The following DLGAP2 variants were observed in gnomAD, a reference collection of about 807,000 sequenced individuals.
The protein encoded by DLGAP2 is disks large-associated protein 2.
DLGAP2 carries 26 observed loss-of-function variants against 100.3 expected under a neutral mutation model. That is an observed-to-expected ratio of 0.26 (90% CI 0.19 to 0.36). The LOEUF (loss-of-function observed/expected upper bound fraction) is 0.36. Ranked by LOEUF, DLGAP2 falls within the 10% of genes least tolerant of loss-of-function variation. DLGAP2 has a pLI of 1.00. For synonymous variants in DLGAP2, 886 were observed against 630.1 expected, an observed-to-expected ratio of 1.41 and a Z score of -6.08; for missense variants, 1,858 against 1,453.2, an observed-to-expected ratio of 1.28 and a Z score of -4.53.
chr8:967,816 CTATATATATATATATA>C (rs1175736398), intron 2 of DLGAP2, among the ~76,000 whole-genome samples: 1 of 2,582 alleles, frequency 3.9e-4, no homozygotes, highest in African/African-American at 5.4e-4. Context: ...TTGAACACCA[CTATATATATATATATA>C]TATATATATA....
intron 4 of DLGAP2, among the ~76,000 whole-genome samples, chr8:1,528,817 G>A (rs1329206663): frequency 1.3e-5 from 2 of 152,210 alleles, no homozygotes; most frequent in Non-Finnish European, 2.9e-5. Flanking sequence ...AGGAAGGACT[G>A]GGAGCTCCCC....
intron 3 of DLGAP2, among the ~76,000 whole-genome samples, chr8:1,277,870 ATG>A (rs1345198806): frequency 6.6e-6 from 1 of 152,200 alleles, no homozygotes; most frequent in African/African-American, 2.4e-5. Context: ...AGTTAGGCAG[ATG>A]TGTCATGTCC....
chr8:1,083,803 A>T (rs1423684251), intron 2 of DLGAP2, among the ~76,000 whole-genome samples: 1 of 152,194 alleles, frequency 6.6e-6, no homozygotes, highest in Non-Finnish European at 1.5e-5. Flanking sequence ...CTATGAATGT[A>T]CCTTAATGAA....
intron 2 of DLGAP2, among the ~76,000 whole-genome samples, chr8:987,914 T>A (rs552716322): frequency 6.6e-6 from 1 of 152,306 alleles, no homozygotes; most frequent in Non-Finnish European, 1.5e-5. Flanking sequence ...ACATATGTGG[T>A]CAGCAATATT....
At chr8:1,665,332 T>G (rs1221160543) in intron 8 of DLGAP2, among the ~76,000 whole-genome samples, 1 of 152,170 alleles carries the variant, frequency 6.6e-6, no homozygotes, top group Non-Finnish European at 1.5e-5. Flanking sequence ...GGGATGAATT[T>G]GCATGCATTT....
intron 6 of DLGAP2, among the ~76,000 whole-genome samples, chr8:1,578,515 C>T (rs1485937550): frequency 1.3e-5 from 2 of 152,050 alleles, no homozygotes; most frequent in Non-Finnish European, 2.9e-5. Context: ...TGTTATCAGC[C>T]CTCCTTCTAA....
intron 4 of DLGAP2, among the ~76,000 whole-genome samples, chr8:1,519,910 G>A (rs866291682): frequency 7.2e-5 from 11 of 152,236 alleles, no homozygotes; most frequent in Non-Finnish European, 1.0e-4. Context: ...CCAAAGGGGC[G>A]TGGCTGGGTT....
At chr8:1,370,765 C>T (rs905328063) in intron 3 of DLGAP2, among the ~76,000 whole-genome samples, 1 of 152,196 alleles carries the variant, frequency 6.6e-6, no homozygotes, top group African/African-American at 2.4e-5. Context: ...GGCACCCAGG[C>T]TCTGAGGGTT....
At chr8:1,354,477 C>A (rs1801803624) in intron 3 of DLGAP2, among the ~76,000 whole-genome samples, 1 of 152,202 alleles carries the variant, frequency 6.6e-6, no homozygotes, top group Non-Finnish European at 1.5e-5. Flanking sequence ...TGAGCCGCTG[C>A]ACTCCAGCCT....
chr8:1,075,061 T>G (rs1297843379), intron 2 of DLGAP2, among the ~76,000 whole-genome samples: 8 of 145,282 alleles, frequency 5.5e-5, no homozygotes, highest in Admixed American at 6.9e-5. Flanking sequence ...CAGCGGGGGG[T>G]GGGGACCACG....
chr8:766,765 G>A (rs988137097), intron 1 of DLGAP2, among the ~76,000 whole-genome samples: 5 of 152,192 alleles, frequency 3.3e-5, no homozygotes, highest in South Asian at 2.1e-4. Flanking sequence ...CACTGCCAGC[G>A]TCAGACAGTT....
At chr8:1,391,962 T>C (rs904314985) in intron 3 of DLGAP2, among the ~76,000 whole-genome samples, 1 of 151,920 alleles carries the variant, frequency 6.6e-6, no homozygotes, top group African/African-American at 2.4e-5. Flanking sequence ...CCCATTGTTG[T>C]GATGCTGTAG....
Position 1,337,872 on chromosome 8 carries a change from G to A in DLGAP2, c.106+78989G>A, listed in dbSNP as rs150124057. Among the ~76,000 whole-genome samples, 661 of 152,228 alleles carry A rather than the reference G, an allele frequency of 4.3e-3. 2 individuals are homozygous for A. Among genetic ancestry groups the A allele is most frequent in the African/African-American group, 0.015 (627 of 41,514 alleles). On this transcript the variant is annotated intron_variant, in intron 3 of 14. Coordinates refer to ENST00000637795, the MANE Select transcript of DLGAP2 (RefSeq NM_001346810.2). ...AAAAAGACCAGTCAAATTAAAAATG[G>A]GCAAAATACTTGAATAAACAGTTCT...
intron 4 of DLGAP2, among the ~76,000 whole-genome samples, chr8:1,506,323 A>G (rs1799911940): frequency 6.6e-6 from 1 of 152,214 alleles, no homozygotes. Context: ...AAATAGCGGA[A>G]GTGTATTACA....
chr8:1,636,289 A>G (rs1458669703), intron 8 of DLGAP2, among the ~76,000 whole-genome samples: 1 of 152,198 alleles, frequency 6.6e-6, no homozygotes, highest in Non-Finnish European at 1.5e-5. Context: ...ATATGATACA[A>G]CTGATTCTAG....
intron 8 of DLGAP2, among the ~76,000 whole-genome samples, chr8:1,636,172 G>T (rs1238343012): frequency 1.3e-5 from 2 of 152,136 alleles, no homozygotes; most frequent in African/African-American, 4.8e-5. Context: ...GTCCAAATAT[G>T]CATCTCACCC....
chr8:818,427 C>G (rs1048405496), intron 1 of DLGAP2, among the ~76,000 whole-genome samples: 1 of 152,176 alleles, frequency 6.6e-6, no homozygotes. Flanking sequence ...GGAACTTTCC[C>G]TGAACCACGA....
intron 2 of DLGAP2, among the ~76,000 whole-genome samples, chr8:915,660 G>A (rs865907523): frequency 6.6e-6 from 1 of 152,180 alleles, no homozygotes; most frequent in African/African-American, 2.4e-5. Context: ...GGCTGGTCAT[G>A]CGTTTGCCTT....
intron 2 of DLGAP2, among the ~76,000 whole-genome samples, chr8:1,245,739 T>C (rs1268335716): frequency 1.3e-5 from 2 of 152,180 alleles, no homozygotes; most frequent in African/African-American, 4.8e-5. Flanking sequence ...GAATGATATC[T>C]GAATAAAGCT....
Sources: allele counts gnomAD v4.1 joint callset (sites outside exome capture counted in the v4.1 genomes callset), GRCh38; gene constraint gnomAD v4.1.1; transcripts MANE v1.5; gene names NCBI Gene and HGNC (gene_info 2026-07-23, HGNC 2026-07-21).